Variants in MRPL42 observed in about 807,000 individuals in gnomAD.
The protein encoded by MRPL42 is mitochondrial ribosomal protein L42, also known as large ribosomal subunit protein mL42.
In MRPL42, 17 loss-of-function variants were observed where a neutral mutation model predicts 17.9. That is an observed-to-expected ratio of 0.95 (90% CI 0.65 to 1.42). The LOEUF (loss-of-function observed/expected upper bound fraction) is 1.42, where lower values mean the gene tolerates loss of function less well. MRPL42 is among the 40% of genes most tolerant of loss of function. The pLI is 0.00. For synonymous variants in MRPL42, 59 were observed against 54.4 expected (o/e 1.08, Z -0.37); for missense variants, 177 against 175.2 (o/e 1.01, Z -0.06).
At position 93,506,558 on chromosome 12, in the gene MRPL42, C is replaced by A. The variant is rs1226205741; in HGVS notation, c.*5337C>A. Reference sequence around the variant, plus strand: ...GGGATTACAGGCATGAGCCACCACGCCCGGCCAAGAATGTCTTTTCTTTAT... The same window carrying A: ...GGGATTACAGGCATGAGCCACCACGACCGGCCAAGAATGTCTTTTCTTTAT... On this transcript the variant is annotated 3_prime_UTR_variant, in exon 6 of 6. Transcript: ENST00000549982. The A allele has an allele frequency of 6.6e-6, 1 of 152,234 alleles. No individual in the cohort carries two copies. The highest frequency in any genetic ancestry group is 2.1e-4 in the South Asian group (1 of 4,826). The allele number at this position is 152,234 out of a possible 1,614,324, so 9.4% of individuals were successfully genotyped here.
intron 3 of MRPL42, among the ~76,000 whole-genome samples, chr12:93,477,763 G>C (rs865839241): frequency 4.0e-4 from 60 of 151,660 alleles, no homozygotes; most frequent in African/African-American, 1.5e-3. Flanking sequence ...CCTGTGTTCA[G>C]GAGATTCTCC....
Position 93,496,969 on chromosome 12 carries a change from A to G in MRPL42, c.384-4207A>G, listed in dbSNP as rs776403383. On this transcript the variant is annotated intron_variant, in intron 5 of 5. Transcript: ENST00000549982. ...CTTCAAGCACACAACTAGAAAATCT[A>G]GAGGCAATGGACAAATTCCTGAAAA... Among the ~76,000 whole-genome samples, 36 of 152,192 alleles carry G rather than the reference A, an allele frequency of 2.4e-4. 1 individual carries two copies. The highest frequency in any genetic ancestry group is 4.6e-4 in the Non-Finnish European group (31 of 68,044).
chr12:93,475,548 C>A (rs1183884797), intron 2 of MRPL42, among the ~76,000 whole-genome samples: 1 of 152,162 alleles, frequency 6.6e-6, no homozygotes, highest in African/African-American at 2.4e-5. Context: ...ACAAGAGGCT[C>A]TGTTGAGACT....
intron 4 of MRPL42, among the ~76,000 whole-genome samples, chr12:93,486,518 A>T (rs916651828): frequency 3.9e-5 from 6 of 152,036 alleles, no homozygotes; most frequent in African/African-American, 1.4e-4. Flanking sequence ...CTAATTTTTA[A>T]GTAGAGATGG....
intron 4 of MRPL42, among the ~76,000 whole-genome samples, chr12:93,485,364 C>T (rs1196663080): frequency 6.6e-6 from 1 of 151,674 alleles, no homozygotes; most frequent in Non-Finnish European, 1.5e-5. Flanking sequence ...GCGTCTCCAA[C>T]TCCTGAGCTC....
At chr12:93,499,670 G>A (rs1285401060) in intron 5 of MRPL42, among the ~76,000 whole-genome samples, 2 of 152,026 alleles carry the variant, frequency 1.3e-5, no homozygotes, top group East Asian at 1.9e-4. Context: ...TATGCAGATG[G>A]TATTTTACTG....
intron 4 of MRPL42, among the ~76,000 whole-genome samples, chr12:93,486,156 G>T (rs1880732735): frequency 6.6e-6 from 1 of 152,100 alleles, no homozygotes; most frequent in South Asian, 2.1e-4. Context: ...AGTCTTTAGT[G>T]AGTCACTATT....
intron 5 of MRPL42, among the ~76,000 whole-genome samples, chr12:93,496,001 A>G (rs1317360298): frequency 2.0e-5 from 3 of 152,222 alleles, no homozygotes; most frequent in South Asian, 2.1e-4. Context: ...CATACATTGT[A>G]TTAAGGATAC....
Position 93,501,572 on chromosome 12 carries a change from G to T in MRPL42, c.*351G>T, listed in dbSNP as rs969117517. ...TCGTGTTAGATAATTTTGCTAAACA[G>T]TAGGCTACTGTAAGTGTTCTGAGCA... On this transcript the variant is annotated 3_prime_UTR_variant, in exon 6 of 6. Coordinates refer to ENST00000549982, the MANE Select transcript of MRPL42 (RefSeq NM_014050.4). 12 of 162,698 alleles carry T rather than the reference G, an allele frequency of 7.4e-5. No homozygotes were observed. The highest frequency in any genetic ancestry group is 6.6e-5 in the Non-Finnish European group (5 of 75,374). The allele number at this position is 162,698 out of a possible 1,614,324, so 10.1% of individuals were successfully genotyped here.
At position 93,509,228 on chromosome 12, in the gene MRPL42, G is replaced by C. The variant is rs1953701754; in HGVS notation, c.*8007G>C. On this transcript the variant is annotated 3_prime_UTR_variant, in exon 6 of 6. Coordinates refer to ENST00000549982, the MANE Select transcript of MRPL42 (RefSeq NM_014050.4). Reference sequence around the variant, plus strand: ...ACTGCCAAAACGCTTTTTGCAAAGTGGTTGTACCATTTTATATTCTCACCA... The same window carrying C: ...ACTGCCAAAACGCTTTTTGCAAAGTCGTTGTACCATTTTATATTCTCACCA... The C allele has an allele frequency of 6.7e-6, 1 of 150,300 alleles. No homozygotes were observed. The highest frequency in any genetic ancestry group is 2.4e-5 in the African/African-American group (1 of 40,920). 9.3% of individuals were successfully genotyped at this position (150,300 alleles called of 1,614,324 possible). A position where few individuals can be genotyped will look rare whatever the true frequency, so the allele number is the denominator to read the frequency against.
intron 2 of MRPL42, among the ~76,000 whole-genome samples, chr12:93,471,583 G>C (rs537237067): frequency 2.0e-5 from 3 of 152,072 alleles, no homozygotes; most frequent in Non-Finnish European, 4.4e-5. Context: ...TTATAGGCAT[G>C]AGCCACCGCA....
In MRPL42 at chr12:93,479,440, C is replaced by A; in HGVS notation, c.187C>A (p.Pro63Thr). The stretch of plus-strand genomic sequence containing the variant: ...TGGCAGGACAATAGTATGCTACCAC[C>A]CTTCTGTGGACATTCCATATGAACA... ...SDGRTIVCYHPSVDIPYEHTK... is the reference protein window; with the variant it reads ...SDGRTIVCYHTSVDIPYEHTK... The change falls in exon 4 of 6, where the codon CCT becomes ACT. Residue 63 changes from proline to threonine, a missense_variant. Transcript: ENST00000549982. The A allele has an allele frequency of 3.1e-6, 5 of 1,611,032 alleles. No individual in the cohort carries two copies. In the East Asian group the frequency reaches 8.9e-5, roughly 29 times the overall value.
In MRPL42 at chr12:93,488,355, C is replaced by G. The variant is rs527677825; in HGVS notation, c.383+695C>G. The G allele has an allele frequency of 8.1e-4, 321 of 398,452 alleles. 2 individuals carry two copies. The highest frequency in any genetic ancestry group is 6.3e-3 in the African/African-American group (305 of 48,716). 24.7% of individuals were successfully genotyped at this position (398,452 alleles called of 1,614,324 possible). On this transcript the variant is annotated intron_variant, in intron 5 of 5. Transcript: ENST00000549982. Reference sequence around the variant, plus strand: ...ACTCCTGGACTCAAGTGATCCTCCTCCCTCAGCTGGGATTGTAAGAATGAG... The same window carrying G: ...ACTCCTGGACTCAAGTGATCCTCCTGCCTCAGCTGGGATTGTAAGAATGAG...
chr12:93,482,053 T>C (rs951258002), intron 4 of MRPL42, among the ~76,000 whole-genome samples: 1 of 152,190 alleles, frequency 6.6e-6, no homozygotes, highest in African/African-American at 2.4e-5. Context: ...CTCTCTAGTT[T>C]AGGTAAGTAA....
intron 5 of MRPL42, among the ~76,000 whole-genome samples, chr12:93,490,513 T>C (rs1953391145): frequency 6.6e-6 from 1 of 152,264 alleles, no homozygotes. Context: ...GAATTTTAAA[T>C]ATGCCTATGT....
At chr12:93,479,324 A>G (rs1460054272) in intron 3 of MRPL42, 64 bp from the exon 4 acceptor site, 1 of 1,295,532 alleles carries the variant, frequency 7.7e-7, no homozygotes, top group Non-Finnish European at 1.1e-6. Context: ...AAAAAAAAAA[A>G]AAAAGGTAAT....
At chr12:93,471,558 C>T (rs1456842638) in intron 2 of MRPL42, among the ~76,000 whole-genome samples, 1 of 152,156 alleles carries the variant, frequency 6.6e-6, no homozygotes, top group Non-Finnish European at 1.5e-5. Context: ...ACCTCAGCCT[C>T]CGAGAGTGCT....
At chr12:93,483,176 A>G (rs904317803) in intron 4 of MRPL42, among the ~76,000 whole-genome samples, 3 of 152,202 alleles carry the variant, frequency 2.0e-5, no homozygotes, top group African/African-American at 4.8e-5. Flanking sequence ...ATTACCAGGC[A>G]TGAGCCACCA....
chr12:93,467,969 G>A (rs1298375676), intron 1 of MRPL42, among the ~76,000 whole-genome samples: 2 of 152,120 alleles, frequency 1.3e-5, no homozygotes, highest in Admixed American at 1.3e-4. Flanking sequence ...GCTTTTCTCT[G>A]GGCTTCGGAC....
Sources: gnomAD v4.1 joint callset for allele counts (sites outside exome capture counted in the v4.1 genomes callset) on GRCh38, gnomAD v4.1.1 for gene constraint, MANE v1.5 for transcripts, NCBI Gene and HGNC (gene_info 2026-07-23, HGNC 2026-07-21) for gene names.